Variants in MAK16 observed in about 807,000 individuals in gnomAD.
The protein encoded by MAK16 is MAK16 homolog.
MAK16 carries 12 observed loss-of-function variants against 49.9 expected under a neutral mutation model. That is an observed-to-expected ratio of 0.24 (90% CI 0.15 to 0.39). The LOEUF (loss-of-function observed/expected upper bound fraction) is 0.39. Among genes scored for constraint, MAK16 ranks in the 10% least tolerant of loss-of-function variants. The pLI, the probability that MAK16 is intolerant of heterozygous loss-of-function variation, is 1.00. For synonymous variants in MAK16, 115 were observed against 126.4 expected, an observed-to-expected ratio of 0.91 and a Z score of 0.60; for missense variants, 292 against 363.7, an observed-to-expected ratio of 0.80 and a Z score of 1.60.
Position 33,496,677 on chromosome 8 carries a change from A to C in MAK16, c.575A>C (p.Gln192Pro). The C allele has an allele frequency of 6.2e-7, 1 of 1,613,742 alleles. No individual in the cohort carries two copies. Among genetic ancestry groups the C allele is most frequent in the Non-Finnish European group, 8.5e-7 (1 of 1,179,838 alleles). ...CATGCCTTCGACAAAGCCCTGGAACAACAGGAGGCAGAGAGTGACTCTTCA... is the reference window on the plus strand; with the variant it reads ...CATGCCTTCGACAAAGCCCTGGAACCACAGGAGGCAGAGAGTGACTCTTCA... ...PIHAFDKALEQQEAESDSSDT... is the reference protein window; with the variant it reads ...PIHAFDKALEPQEAESDSSDT... The change falls in exon 8 of 10, where the codon CAA becomes CCA. Residue 192 changes from glutamine (Q) to proline (P), a missense_variant. Gln to Pro is a moderately conservative substitution (Grantham distance 76). Coordinates refer to ENST00000360128, the MANE Select transcript of MAK16 (RefSeq NM_032509.4).
chr8:33,490,369 C>A (rs891017891), intron 6 of MAK16, 30 bp downstream of exon 6: 7 of 1,586,514 alleles, frequency 4.4e-6, no homozygotes, highest in East Asian at 2.2e-5. Context: ...TTCATACCTT[C>A]TACATTTTCT....
At chr8:33,494,240 AT>A (rs1195714797) in intron 6 of MAK16, among the ~76,000 whole-genome samples, 1 of 151,992 alleles carries the variant, frequency 6.6e-6, no homozygotes, top group Non-Finnish European at 1.5e-5. Flanking sequence ...TGCCCGGCTA[AT>A]TTTTTGTGTT....
intron 1 of MAK16, 65 bp downstream of exon 1, chr8:33,485,286 A>G: frequency 6.2e-7 from 1 of 1,604,294 alleles, no homozygotes; most frequent in South Asian, 1.1e-5. Context: ...ATTTTCGGAC[A>G]CTTAGAAAAC....
Position 33,489,571 on chromosome 8 carries a change from G to T in MAK16, c.392+432G>T, listed in dbSNP as rs1462817581. Among the ~76,000 whole-genome samples, 1 of 151,956 alleles carries T rather than the reference G, an allele frequency of 6.6e-6. No individual in the cohort carries two copies. The highest frequency in any genetic ancestry group is 6.6e-5 in the Admixed American group (1 of 15,240). On this transcript the variant is annotated intron_variant, in intron 5 of 9. Coordinates refer to ENST00000360128, the MANE Select transcript of MAK16 (RefSeq NM_032509.4). This position sits in a 1 kb window ranked among gnomAD's most constrained non-coding sequence, Gnocchi z 4.2. ...TTTTTTGTATTTTTAGTAGAGATGG[G>T]GTTTCACCATGTTGGCCAGGCTGGT...
intron 4 of MAK16, 53 bp from the exon 5 acceptor site, chr8:33,488,935 A>T: frequency 6.2e-7 from 1 of 1,611,978 alleles, no homozygotes; most frequent in Non-Finnish European, 8.5e-7. Context: ...GACAGTGAAA[A>T]CCTAATGAAT....
chr8:33,489,031 A>T lies in MAK16; in HGVS notation c.284A>T (p.Asp95Val). The change falls in exon 5 of 10, where the codon GAT becomes GTT. Residue 95 changes from aspartate to valine, a missense_variant. Asp to Val is a radical substitution (Grantham distance 152). Coordinates refer to ENST00000360128, the MANE Select transcript of MAK16 (RefSeq NM_032509.4). The surrounding 1 kb of genome is among the most constrained non-coding windows in gnomAD (Gnocchi z 4.2). ...KNYEKALEQIDENLIYWPRFI... is the reference protein window; with the variant it reads ...KNYEKALEQIVENLIYWPRFI... ...TATGAGAAAGCACTGGAGCAAATAG[A>T]TGAAAATCTGATTTACTGGCCCCGT... The T allele has an allele frequency of 6.2e-7, 1 of 1,614,222 alleles. No individual in the cohort carries two copies. The highest frequency in any genetic ancestry group is 8.5e-7 in the Non-Finnish European group (1 of 1,180,018).
intron 1 of MAK16, among the ~76,000 whole-genome samples, chr8:33,486,446 G>C (rs1370098707): frequency 1.3e-5 from 2 of 152,140 alleles, no homozygotes; most frequent in South Asian, 2.1e-4. Flanking sequence ...CAGTTACTTC[G>C]AAGGCTGAGG....
chr8:33,492,067 TG>T, intron 6 of MAK16, among the ~76,000 whole-genome samples: 1 of 151,936 alleles, frequency 6.6e-6, no homozygotes, highest in South Asian at 2.1e-4. Flanking sequence ...TGGAGTGCTA[TG>T]GGGCAATCCC....
intron 6 of MAK16, among the ~76,000 whole-genome samples, chr8:33,493,584 G>A (rs1808810614): frequency 6.6e-6 from 1 of 152,110 alleles, no homozygotes. Flanking sequence ...GTAGAGAAGT[G>A]CATTGTTGAT....
intron 1 of MAK16, among the ~76,000 whole-genome samples, chr8:33,488,074 A>G (rs1161408957): frequency 6.6e-6 from 1 of 152,116 alleles, no homozygotes; most frequent in African/African-American, 2.4e-5. Context: ...GATTACAGGC[A>G]TGCGCCACCA....
rs544604265 is a variant in MAK16 at position 33,500,081 on chromosome 8, G to A, written c.*1452G>A. The A allele has an allele frequency of 2.0e-5, 8 of 410,068 alleles. No homozygotes were observed. The highest frequency in any genetic ancestry group is 1.6e-4 in the South Asian group (5 of 31,782). 25.4% of individuals were successfully genotyped at this position (410,068 alleles called of 1,614,324 possible). On this transcript the variant is annotated 3_prime_UTR_variant, in exon 10 of 10. Coordinates refer to ENST00000360128, the MANE Select transcript of MAK16 (RefSeq NM_032509.4). ...ATAATGCTTTTGCCCATACTGTCTCGTCCTTAGCCCCAGTGACATGTGCTG... is the reference window on the plus strand; with the variant it reads ...ATAATGCTTTTGCCCATACTGTCTCATCCTTAGCCCCAGTGACATGTGCTG...
chr8:33,492,873 T>G (rs913851233), intron 6 of MAK16, among the ~76,000 whole-genome samples: 5 of 152,078 alleles, frequency 3.3e-5, no homozygotes, highest in African/African-American at 1.2e-4. Flanking sequence ...TGTTTTTTTT[T>G]GTTTGTTTTG....
intron 7 of MAK16, among the ~76,000 whole-genome samples, chr8:33,496,317 A>G (rs888812867): frequency 6.6e-6 from 1 of 152,086 alleles, no homozygotes; most frequent in African/African-American, 2.4e-5. Context: ...CTTTTTCCTT[A>G]TTATTTCCCC....
At chr8:33,492,269 C>T (rs1279280450) in intron 6 of MAK16, among the ~76,000 whole-genome samples, 2 of 152,222 alleles carry the variant, frequency 1.3e-5, no homozygotes, top group African/African-American at 4.8e-5. Context: ...GCCTCAGCCT[C>T]CCAGAGTGCT....
chr8:33,488,902 C>T (rs1342270168), intron 4 of MAK16, 86 bp from the exon 5 acceptor site: 1 of 1,599,756 alleles, frequency 6.3e-7, no homozygotes, highest in East Asian at 2.2e-5. Context: ...TGAGGCCATC[C>T]TCATTAGGCC....
chr8:33,495,810 A>G (rs2459509), intron 7 of MAK16, among the ~76,000 whole-genome samples, 194 bp downstream of exon 7: 90,240 of 140,680 alleles, frequency 0.64, 29,342 homozygotes, highest in African/African-American at 0.69. Context: ...TCTGCCTCCC[A>G]AGTTCAAGCA....
chr8:33,490,161 A>G, intron 5 of MAK16, 124 bp from the exon 6 acceptor site: 2 of 733,044 alleles, frequency 2.7e-6, no homozygotes, highest in South Asian at 1.9e-5. Flanking sequence ...AAGCTCAGCC[A>G]TCCTGCCCTG....
chr8:33,498,941 A>C lies in MAK16; in HGVS notation c.*312A>C. On this transcript the variant is annotated 3_prime_UTR_variant, in exon 10 of 10. Transcript: ENST00000360128. The stretch of plus-strand genomic sequence containing the variant: ...TAAATATTTCTAAATTTTAAATGCT[A>C]CATTACTTGGTGTCCTTTTTTCTCC... 3.4e-6 allele frequency: 2 copies of C among 587,798 alleles called. 1 individual carries two copies. The highest frequency in any genetic ancestry group is 6.0e-6 in the Non-Finnish European group (2 of 333,858). 36.4% of individuals were successfully genotyped at this position (587,798 alleles called of 1,614,324 possible).
In MAK16 at chr8:33,499,085, TAA is replaced by T; in HGVS notation, c.*460_*461del. On this transcript the variant is annotated 3_prime_UTR_variant, in exon 10 of 10. Coordinates refer to ENST00000360128, the MANE Select transcript of MAK16 (RefSeq NM_032509.4). Reference sequence around the variant, plus strand: ...CAGCTTTCACTTACAAAGTTTCGTGTAAAAATATCTTTTTTTCTTAAATAACT... The same window carrying T: ...CAGCTTTCACTTACAAAGTTTCGTGTAAATATCTTTTTTTCTTAAATAACT... The T allele has an allele frequency of 1.7e-6, 2 of 1,156,910 alleles. No individual in the cohort carries two copies. Among genetic ancestry groups the T allele is most frequent in the East Asian group, 4.8e-5 (2 of 41,596 alleles). The allele number at this position is 1,156,910 out of a possible 1,614,324, so 71.7% of individuals were successfully genotyped here. A position where few individuals can be genotyped will look rare whatever the true frequency, so the allele number is the denominator to read the frequency against.
Sources: gnomAD v4.1 joint callset for allele counts (sites outside exome capture counted in the v4.1 genomes callset) on GRCh38, gnomAD v4.1.1 for gene constraint, Gnocchi (gnomAD v3.1) non-coding constraint, MANE v1.5 for transcripts, NCBI Gene and HGNC (gene_info 2026-07-23, HGNC 2026-07-21) for gene names.